The following ATG12 variants were observed in gnomAD, a reference collection of about 807,000 sequenced individuals.
The protein encoded by ATG12 is ubiquitin-like protein ATG12.
Under a neutral mutation model 17.6 loss-of-function variants are expected in ATG12, and 19 were observed. That is an observed-to-expected ratio of 1.08 (90% CI 0.75 to 1.58). The LOEUF (loss-of-function observed/expected upper bound fraction) is 1.58, where lower values mean the gene tolerates loss of function less well. Ranked by LOEUF, ATG12 falls within the 40% of genes most tolerant of loss-of-function variation. The pLI is 0.00. For synonymous variants in ATG12, 75 were observed against 62.4 expected, an observed-to-expected ratio of 1.20 and a Z score of -0.95; for missense variants, 214 against 162.0, an observed-to-expected ratio of 1.32 and a Z score of -1.74.
At chr5:115,840,779 G>A (rs572947361) in intron 1 of ATG12, 6 of 1,179,958 alleles carry the variant, frequency 5.1e-6, no homozygotes, top group Middle Eastern at 2.3e-4. Flanking sequence ...AAGCAATAAA[G>A]GGTTGAGGAT....
chr5:115,838,989 G>A (rs1343669585), intron 1 of ATG12: 1 of 152,140 alleles, frequency 6.6e-6, no homozygotes, highest in African/African-American at 2.4e-5. Flanking sequence ...CAGGCGTGGT[G>A]GTGCATGCCC....
At position 115,840,686 on chromosome 5, in the gene ATG12, T is replaced by C. The variant is rs548236650; in HGVS notation, c.163+704A>G. The C allele has an allele frequency of 2.9e-5, 35 of 1,203,540 alleles. 2 individuals are homozygous for C. In the South Asian group the frequency reaches 4.5e-4, roughly 15 times the overall value. 74.6% of individuals were successfully genotyped at this position (1,203,540 alleles called of 1,614,324 possible). ...AATCGAGGATGCTTATATGCTGCTT[T>C]TCCCATAGGCAACTCTAACTCTAAA... is the stretch of plus-strand genomic sequence containing the variant. On this transcript the variant is annotated intron_variant, in intron 1 of 3. Coordinates refer to ENST00000509910, the MANE Select transcript of ATG12 (RefSeq NM_004707.4).
intron 1 of ATG12, chr5:115,840,522 TCTTGACCTC>T (rs1561455893): frequency 1.1e-6 from 1 of 933,228 alleles, no homozygotes; most frequent in African/African-American, 1.8e-5. Flanking sequence ...GGTCTCGAAC[TCTTGACCTC>T]AGGTGATCCA....
At chr5:115,839,036 T>C (rs1157442213) in intron 1 of ATG12, 1 of 149,566 alleles carries the variant, frequency 6.7e-6, no homozygotes, top group Admixed American at 6.7e-5. Context: ...GACAGGGGAA[T>C]AGCTTGAACC....
intron 2 of ATG12, chr5:115,834,874 G>C (rs533182549): frequency 7.2e-5 from 11 of 152,198 alleles, no homozygotes; most frequent in African/African-American, 1.9e-4. Context: ...GATACTCTCA[G>C]GTACTTCAGA....
At position 115,829,692 on chromosome 5, in the gene ATG12, G is replaced by A. The variant is rs1298350598; in HGVS notation, c.*2112C>T. On this transcript the variant is annotated 3_prime_UTR_variant, in exon 4 of 4. Coordinates refer to ENST00000509910, the MANE Select transcript of ATG12 (RefSeq NM_004707.4). ...AGAGTTTAAATTAAAAATAAATTGT[G>A]TTGTAGGTTCTAGTCACCCAATAAC... The A allele has an allele frequency of 6.6e-6, 1 of 152,166 alleles. No homozygotes were observed. The highest frequency in any genetic ancestry group is 1.5e-5 in the Non-Finnish European group (1 of 68,026). 9.4% of individuals were successfully genotyped at this position (152,166 alleles called of 1,614,324 possible). A position where few individuals can be genotyped will look rare whatever the true frequency, so the allele number is the denominator to read the frequency against.
intron 3 of ATG12, among the ~76,000 whole-genome samples, chr5:115,832,303 T>C (rs1760904023): frequency 6.6e-6 from 1 of 152,078 alleles, no homozygotes; most frequent in South Asian, 2.1e-4. Context: ...CAAATGTAGA[T>C]AAAGAAAAAG....
chr5:115,841,122 C>A, intron 1 of ATG12: 1 of 358,888 alleles, frequency 2.8e-6, no homozygotes, highest in Non-Finnish European at 5.2e-6. Context: ...TCAAAGAGCT[C>A]GCAGTCTGGC....
chr5:115,838,609 C>A (rs1272216275), intron 1 of ATG12: 1 of 152,158 alleles, frequency 6.6e-6, no homozygotes, highest in Non-Finnish European at 1.5e-5. Context: ...TTTGTAACTA[C>A]CAAATTTTCT....
intron 2 of ATG12, among the ~76,000 whole-genome samples, chr5:115,837,304 G>A (rs1462128235): frequency 4.6e-5 from 7 of 151,716 alleles, no homozygotes; most frequent in East Asian, 3.9e-4. Context: ...CTTCTGAGGC[G>A]GCCCCGTCTC....
Position 115,841,529 on chromosome 5 carries a change from C to G in ATG12, c.24G>C (p.Val8=), listed in dbSNP as rs191709876. The change falls in exon 1 of 4, where the codon GTG becomes GTC. Residue 8 remains valine, a synonymous_variant. Coordinates refer to ENST00000509910, the MANE Select transcript of ATG12 (RefSeq NM_004707.4). MAEEPQS[V]LQLPTSIAAG... ...CAGCAATTGAAGTAGGAAGCTGCAACACAGACTGCGGCTCCTCCGCCATCT... is the reference window on the plus strand; with the variant it reads ...CAGCAATTGAAGTAGGAAGCTGCAAGACAGACTGCGGCTCCTCCGCCATCT... 6.2e-7 allele frequency: 1 copy of G among 1,613,498 alleles called. No individual in the cohort carries two copies. Among genetic ancestry groups the G allele is most frequent in the Non-Finnish European group, 8.5e-7 (1 of 1,179,804 alleles).
Position 115,828,691 on chromosome 5 carries a change from C to G in ATG12, c.*3113G>C, listed in dbSNP as rs1016238352. ...TATACAAAATTTCCTTTGTTTTTAG[C>G]TGTCATACTTTGCTAATCACAATTT... On this transcript the variant is annotated 3_prime_UTR_variant, in exon 4 of 4. Coordinates refer to ENST00000509910, the MANE Select transcript of ATG12 (RefSeq NM_004707.4). 6.6e-6 allele frequency: 1 copy of G among 152,146 alleles called. No homozygotes were observed. Among genetic ancestry groups the G allele is most frequent in the African/African-American group, 2.4e-5 (1 of 41,434 alleles). The allele number at this position is 152,146 out of a possible 1,614,324, so 9.4% of individuals were successfully genotyped here.
chr5:115,840,457 C>G (rs1230013725), intron 1 of ATG12: 1 of 352,256 alleles, frequency 2.8e-6, no homozygotes, highest in Non-Finnish European at 4.9e-6. Flanking sequence ...GCCACCACAC[C>G]CATCTAACTT....
At chr5:115,837,569 ACT>A in intron 2 of ATG12, 57 bp downstream of exon 2, 2 of 1,570,412 alleles carry the variant, frequency 1.3e-6, no homozygotes, top group Non-Finnish European at 1.7e-6. Flanking sequence ...CAGTTAATTC[ACT>A]GTTGCCTAGG....
At chr5:115,840,367 C>T (rs1761329347) in intron 1 of ATG12, 3 of 184,960 alleles carry the variant, frequency 1.6e-5, no homozygotes, top group Admixed American at 6.3e-5. Context: ...GCGAGACCTC[C>T]GCCCACTGCC....
intron 2 of ATG12, among the ~76,000 whole-genome samples, chr5:115,835,819 A>G (rs1474061208): frequency 6.6e-6 from 1 of 152,078 alleles, no homozygotes; most frequent in East Asian, 1.9e-4. Flanking sequence ...TGCTGATACC[A>G]TGCAGGTCCT....
intron 2 of ATG12, chr5:115,833,454 T>C (rs1297190568): frequency 6.6e-6 from 1 of 152,130 alleles, no homozygotes; most frequent in Admixed American, 6.5e-5. Context: ...TCAATATTGC[T>C]TGCATCTCTC....
intron 1 of ATG12, chr5:115,840,694 G>A: frequency 8.3e-7 from 1 of 1,198,858 alleles, no homozygotes; most frequent in Non-Finnish European, 1.1e-6. Flanking sequence ...TTTTCCCATA[G>A]GCAACTCTAA....
chr5:115,836,462 C>T (rs919586842), intron 2 of ATG12, among the ~76,000 whole-genome samples: 1 of 152,154 alleles, frequency 6.6e-6, no homozygotes. Flanking sequence ...AGTGTATGTC[C>T]TCATTCCCCT....
Sources: allele counts gnomAD v4.1 joint callset (sites outside exome capture counted in the v4.1 genomes callset), GRCh38; gene constraint gnomAD v4.1.1; transcripts MANE v1.5; gene names NCBI Gene and HGNC (gene_info 2026-07-23, HGNC 2026-07-21).